IDE: variants seen among roughly 807,000 people sequenced by gnomAD.
The protein encoded by IDE is insulin-degrading enzyme.
In IDE, 58 loss-of-function variants were observed where a neutral mutation model predicts 133.2. The observed-to-expected ratio is 0.44, with a 90% CI of 0.35 to 0.54. The LOEUF is 0.54. Among genes scored for constraint, IDE ranks in the 20% least tolerant of loss-of-function variants. The probability of loss-of-function intolerance (pLI) is 0.00; values close to 1 mark genes in which losing one functional copy is unlikely to be tolerated. For synonymous variants in IDE, 396 were observed against 421.3 expected, an observed-to-expected ratio of 0.94 and a Z score of 0.73; for missense variants, 981 against 1,234.0, an observed-to-expected ratio of 0.79 and a Z score of 3.07.
chr10:92,567,365 C>T (rs1564687956), intron 1 of IDE, among the ~76,000 whole-genome samples: 1 of 152,198 alleles, frequency 6.6e-6, no homozygotes, highest in Non-Finnish European at 1.5e-5. Flanking sequence ...TTCTCTGACT[C>T]CCACATCGTC....
At chr10:92,569,615 AG>A (rs1405894876) in intron 1 of IDE, among the ~76,000 whole-genome samples, 1 of 152,212 alleles carries the variant, frequency 6.6e-6, no homozygotes, top group Non-Finnish European at 1.5e-5. Context: ...AAGATTTTCA[AG>A]CTAAACTGAA....
Position 92,504,889 on chromosome 10 carries a change from G to A in IDE, c.1335C>T (p.Pro445=), listed in dbSNP as rs1448252907. 1.3e-6 allele frequency: 2 copies of A among 1,483,556 alleles called. No homozygotes were observed. The highest frequency in any genetic ancestry group is 1.8e-6 in the Non-Finnish European group (2 of 1,087,530). The allele number at this position is 1,483,556 out of a possible 1,614,324, so 91.9% of individuals were successfully genotyped here. ...ATTCCGCTGTGAGCACCTCTTCTAGGGGATAATACTTTTAAAAAGGAAAAT... is the reference window on the plus strand; with the variant it reads ...ATTCCGCTGTGAGCACCTCTTCTAGAGGATAATACTTTTAAAAAGGAAAAT... ...SKIAGILHYY[P]LEEVLTAEYL... Residue 445 remains proline, a synonymous_variant, in exon 11 of 25, where the codon CCC becomes CCT. Transcript: ENST00000265986.
chr10:92,549,289 A>G (rs1200665297), intron 1 of IDE, among the ~76,000 whole-genome samples: 2 of 152,182 alleles, frequency 1.3e-5, no homozygotes, highest in Non-Finnish European at 2.9e-5. Flanking sequence ...CAAAATATCA[A>G]TAGTGCTAAG....
At chr10:92,516,458 C>T (rs1848936015) in intron 4 of IDE, among the ~76,000 whole-genome samples, 1 of 152,208 alleles carries the variant, frequency 6.6e-6, no homozygotes, top group Non-Finnish European at 1.5e-5. Context: ...TGTACCACTG[C>T]ACTCCTGGGC....
At chr10:92,460,653 C>G (rs1845327360) in intron 22 of IDE, among the ~76,000 whole-genome samples, 1 of 152,172 alleles carries the variant, frequency 6.6e-6, no homozygotes, top group Non-Finnish European at 1.5e-5. Flanking sequence ...CTGTACATGG[C>G]CCGCAGGCTG....
intron 11 of IDE, among the ~76,000 whole-genome samples, chr10:92,501,862 C>A (rs1190044264): frequency 4.6e-5 from 7 of 151,936 alleles, no homozygotes; most frequent in Non-Finnish European, 8.8e-5. Context: ...GTAATCCCAG[C>A]TACTCAGGAG....
chr10:92,551,475 G>A (rs1348629017), intron 1 of IDE, among the ~76,000 whole-genome samples: 2 of 151,364 alleles, frequency 1.3e-5, no homozygotes, highest in Admixed American at 6.6e-5. Flanking sequence ...GGCTGAGGCA[G>A]GAGAATTGCT....
At chr10:92,544,390 CA>C (rs1189254731) in intron 1 of IDE, among the ~76,000 whole-genome samples, 1 of 152,166 alleles carries the variant, frequency 6.6e-6, no homozygotes, top group Non-Finnish European at 1.5e-5. Context: ...TCATCCTCTT[CA>C]ACTCCAAATG....
rs1363784854 is a variant in IDE at position 92,460,075 on chromosome 10, G to C, written c.2823+1116C>G. The stretch of plus-strand genomic sequence containing the variant: ...GCTGATCTTGAACTCCTGACCTCGT[G>C]ATTCACCCACCTTGGCCTCCCAAAG... On this transcript the variant is annotated intron_variant, in intron 22 of 24. Transcript: ENST00000265986. 2.6e-5 allele frequency among the ~76,000 whole-genome samples: 4 copies of C among 152,072 alleles called. No individual in the cohort carries two copies. In the East Asian group the frequency reaches 7.7e-4, roughly 29 times the overall value.
intron 1 of IDE, among the ~76,000 whole-genome samples, chr10:92,561,148 C>A (rs906370903): frequency 3.3e-5 from 5 of 151,708 alleles, no homozygotes; most frequent in Non-Finnish European, 5.9e-5. Context: ...CCCAGCTATT[C>A]AGGAGGCTGA....
intron 1 of IDE, among the ~76,000 whole-genome samples, chr10:92,545,324 C>T (rs1435057055): frequency 1.3e-5 from 2 of 152,138 alleles, no homozygotes; most frequent in Non-Finnish European, 2.9e-5. Context: ...ACATGATTCT[C>T]AAGCAATATG....
intron 15 of IDE, among the ~76,000 whole-genome samples, chr10:92,477,256 G>A (rs1248615682): frequency 3.9e-5 from 6 of 151,958 alleles, no homozygotes; most frequent in Non-Finnish European, 7.4e-5. Context: ...AGGCTCAAGC[G>A]ATCCTCCCAC....
intron 15 of IDE, among the ~76,000 whole-genome samples, chr10:92,477,582 A>G (rs189632940): frequency 5.3e-5 from 8 of 152,366 alleles, no homozygotes; most frequent in Admixed American, 5.2e-4. Flanking sequence ...TGCAGCTAGA[A>G]TATCATGAAA....
chr10:92,486,093 A>T (rs1428822097), intron 13 of IDE, among the ~76,000 whole-genome samples: 1 of 152,234 alleles, frequency 6.6e-6, no homozygotes, highest in Admixed American at 6.5e-5. Flanking sequence ...TCATGCCTCT[A>T]ATCCCAGCAC....
In IDE at chr10:92,537,375, C is replaced by T. The variant is rs1299405253; in HGVS notation, c.274G>A (p.Val92Met). The part of the protein sequence containing the change: ...TTDKSSAALD[V>M]HIGSLSDPPN... ...CAATTTTCAATTGTACCTATGTGCA[C>T]ATCAAGTGCTGCTGATGACTTATCC... The change falls in exon 2 of 25, where the codon GTG (valine) becomes ATG (methionine). Residue 92 changes from valine (V) to methionine (M), a missense_variant. Transcript: ENST00000265986. 6.2e-7 allele frequency: 1 copy of T among 1,601,976 alleles called. No homozygotes were observed. Among genetic ancestry groups the T allele is most frequent in the East Asian group, 2.2e-5 (1 of 44,838 alleles).
At chr10:92,479,782 G>T (rs543121932) in intron 14 of IDE, 1 of 169,986 alleles carries the variant, frequency 5.9e-6, no homozygotes, top group South Asian at 1.8e-4. Flanking sequence ...AGGCTAATGG[G>T]AGGAGCACGG....
At chr10:92,483,191 A>C (rs921479128) in intron 14 of IDE, 64 bp downstream of exon 14, 1 of 795,510 alleles carries the variant, frequency 1.3e-6, no homozygotes, top group East Asian at 2.6e-5. Flanking sequence ...AGAAGAACAG[A>C]CAACTCCTGG....
chr10:92,565,996 C>G (rs996692960), intron 1 of IDE, among the ~76,000 whole-genome samples: 1 of 137,914 alleles, frequency 7.3e-6, no homozygotes, highest in African/African-American at 2.6e-5. Context: ...ATATCCTTAT[C>G]TGAAAGAAAA....
chr10:92,463,841 T>G lies in IDE; in HGVS notation c.2651A>C (p.Lys884Thr). The stretch of plus-strand genomic sequence containing the variant: ...ACGAATTGCTAATGCCTGAATGTGT[T>G]TTTGGAAGGCCTCTTCTGTCATGTC... Reference protein sequence around the residue: ...IEDMTEEAFQKHIQALAIRRL... With the variant: ...IEDMTEEAFQTHIQALAIRRL... The change falls in exon 21 of 25, where the codon AAA (lysine) becomes ACA (threonine). Residue 884 changes from lysine (K) to threonine (T), a missense_variant. Lys to Thr is a moderately conservative substitution (Grantham distance 78, BLOSUM62 -1). Around this residue, in one of 2 missense-constraint regions of IDE, gnomAD observed 660 missense variants for 894.7 expected, o/e 0.74. Transcript: ENST00000265986. The G allele has an allele frequency of 6.2e-7, 1 of 1,614,216 alleles. No individual in the cohort carries two copies.
Sources: allele counts gnomAD v4.1 joint callset (sites outside exome capture counted in the v4.1 genomes callset), GRCh38; gene constraint gnomAD v4.1.1; regional missense constraint gnomAD v4.1.1; transcripts MANE v1.5; gene names NCBI Gene and HGNC (gene_info 2026-07-23, HGNC 2026-07-21).